LRPPRC: variants seen among roughly 807,000 people sequenced by gnomAD.
LRPPRC encodes the protein leucine-rich PPR motif-containing protein, mitochondrial.
A neutral mutation model predicts 180.3 loss-of-function variants in LRPPRC; 120 were observed. The observed-to-expected ratio is 0.67, with a 90% CI of 0.57 to 0.77. The LOEUF (loss-of-function observed/expected upper bound fraction) is 0.77, where lower values mean the gene tolerates loss of function less well. Among genes scored for constraint, LRPPRC ranks in the 30% least tolerant of loss-of-function variants. The pLI, the probability that LRPPRC is intolerant of heterozygous loss-of-function variation, is 0.00. For synonymous variants in LRPPRC, 723 were observed against 600.0 expected (o/e 1.21, Z -3.00); for missense variants, 2,012 against 1,657.2 (o/e 1.21, Z -3.72).
intron 3 of LRPPRC, 120 bp from the exon 4 acceptor site, chr2:43,977,396 T>C (rs1156608925): frequency 1.3e-6 from 1 of 760,958 alleles, no homozygotes; most frequent in Admixed American, 2.0e-5. Context: ...CACCCATCCA[T>C]CTTGGCGCTC....
chr2:43,971,029 G>A (rs1673782458), intron 11 of LRPPRC, among the ~76,000 whole-genome samples: 1 of 151,920 alleles, frequency 6.6e-6, no homozygotes, highest in African/African-American at 2.4e-5. Context: ...GAACCTGGGA[G>A]GCAGAGGTTG....
chr2:43,948,067 T>G, intron 18 of LRPPRC, 55 bp downstream of exon 18: 1 of 1,160,416 alleles, frequency 8.6e-7, no homozygotes, highest in Non-Finnish European at 1.3e-6. Flanking sequence ...AATTTTAACA[T>G]GCTGTTATAT....
rs1671834894 is a variant in LRPPRC at position 43,925,229 on chromosome 2, G to A, written c.2806-72C>T. The A allele has an allele frequency of 8.2e-6, 7 of 850,092 alleles. No homozygotes were observed. In the South Asian group the frequency reaches 9.2e-5, roughly 11 times the overall value. The allele number at this position is 850,092 out of a possible 1,614,324, so 52.7% of individuals were successfully genotyped here. A position where few individuals can be genotyped will look rare whatever the true frequency, so the allele number is the denominator to read the frequency against. On this transcript the variant is annotated intron_variant, in intron 26 of 37. Coordinates refer to ENST00000260665, the MANE Select transcript of LRPPRC (RefSeq NM_133259.4). Reference sequence around the variant, plus strand: ...ATTTTACAGTTAACAAATAGCAGTGGAATAATCTTTCAAATTAGCTTTACC... The same window carrying A: ...ATTTTACAGTTAACAAATAGCAGTGAAATAATCTTTCAAATTAGCTTTACC...
chr2:43,990,583 T>C (rs1395023907), intron 1 of LRPPRC, among the ~76,000 whole-genome samples: 5 of 152,126 alleles, frequency 3.3e-5, no homozygotes, highest in African/African-American at 1.2e-4. Flanking sequence ...GGCCTCCAAG[T>C]CTCTTCACGC....
At chr2:43,929,801 T>C (rs866955852) in intron 25 of LRPPRC, among the ~76,000 whole-genome samples, 11 of 152,150 alleles carry the variant, frequency 7.2e-5, no homozygotes, top group African/African-American at 1.7e-4. Flanking sequence ...GAGGAAAATA[T>C]GGCTGAGCAA....
In LRPPRC at chr2:43,918,243, C is replaced by T. The variant is rs2105025902; in HGVS notation, c.3039+13G>A. The T allele has an allele frequency of 6.2e-7, 1 of 1,611,994 alleles. No individual in the cohort carries two copies. Among genetic ancestry groups the T allele is most frequent in the East Asian group, 2.2e-5 (1 of 44,842 alleles). ...ACAACAAAATCTGTTACGATTATGCCAAAAACAATTACCTCAGGTACGTCA... is the reference window on the plus strand; with the variant it reads ...ACAACAAAATCTGTTACGATTATGCTAAAAACAATTACCTCAGGTACGTCA... On this transcript the variant is annotated intron_variant, in intron 28 of 37. Coordinates refer to ENST00000260665, the MANE Select transcript of LRPPRC (RefSeq NM_133259.4).
Position 43,973,714 on chromosome 2 carries a change from T to A in LRPPRC, c.1262A>T (p.Asp421Val). 1 of 1,611,192 alleles carries A rather than the reference T, an allele frequency of 6.2e-7. No homozygotes were observed. The highest frequency in any genetic ancestry group is 8.5e-7 in the Non-Finnish European group (1 of 1,177,344). Residue 421 changes from aspartate to valine, a missense_variant and splice_region_variant, in exon 11 of 38, where the codon GAT (aspartate) becomes GTT (valine). Asp to Val is a radical substitution (Grantham distance 152, BLOSUM62 -3). Coordinates refer to ENST00000260665, the MANE Select transcript of LRPPRC (RefSeq NM_133259.4). ...AGCCTTCATTAAGGCTTTTGCCAAA[T>A]CTGAAAGAGATATCATAAAAGATCA... is the stretch of plus-strand genomic sequence containing the variant. ...LHCALLANKT[D>V]LAKALMKAVK...
chr2:43,969,918 C>T (rs945026808), intron 11 of LRPPRC, among the ~76,000 whole-genome samples: 2 of 152,094 alleles, frequency 1.3e-5, no homozygotes, highest in Admixed American at 6.6e-5. Flanking sequence ...TCAACTAATG[C>T]CCCTACTTCA....
chr2:43,973,948 C>G (rs201921477), intron 9 of LRPPRC, 48 bp from the exon 10 acceptor site: 3 of 1,204,040 alleles, frequency 2.5e-6, no homozygotes, highest in Non-Finnish European at 3.7e-6. Flanking sequence ...AACACCCCAC[C>G]GTTTGACCTG....
Position 43,943,871 on chromosome 2 carries a change from T to A in LRPPRC, c.2320A>T (p.Met774Leu), listed in dbSNP as rs1397610480. The change falls in exon 23 of 38, where the codon ATG becomes TTG. Residue 774 changes from methionine (M) to leucine (L), a missense_variant. Transcript: ENST00000260665. ...TTGATAAGAACATCCTTCTCTTTCA[T>A]CTCCTTCAGAATGTTAATAGCATCT... is the stretch of plus-strand genomic sequence containing the variant. ...LQDAINILKE[M>L]KEKDVLIKDT... 2 of 1,612,928 alleles carry A rather than the reference T, an allele frequency of 1.2e-6. No individual in the cohort carries two copies. The highest frequency in any genetic ancestry group is 1.7e-5 in the Admixed American group (1 of 59,968).
At chr2:43,942,394 C>T (rs1341893056) in intron 23 of LRPPRC, among the ~76,000 whole-genome samples, 1 of 152,000 alleles carries the variant, frequency 6.6e-6, no homozygotes, top group Admixed American at 6.6e-5. Flanking sequence ...ATAAAGTTGG[C>T]TATGAATATG....
At position 43,886,545 on chromosome 2, in the gene LRPPRC, T is replaced by C. The variant is rs1452273249; in HGVS notation, c.*2055A>G. ...AAAGATATTTGAACAGCTAGTCCTT[T>C]GTAACACCCCCCCGCTGCTGCCGAG... On this transcript the variant is annotated 3_prime_UTR_variant, in exon 38 of 38. Transcript: ENST00000260665. The C allele has an allele frequency of 6.6e-6, 1 of 152,208 alleles. No individual in the cohort carries two copies. Among genetic ancestry groups the C allele is most frequent in the Non-Finnish European group, 1.5e-5 (1 of 68,042 alleles). The allele number at this position is 152,208 out of a possible 1,614,324, so 9.4% of individuals were successfully genotyped here.
rs745347082 is a variant in LRPPRC, at chr2:43,917,977, AAAG to A, written c.3148+45_3148+47del. 5.1e-6 allele frequency: 7 copies of A among 1,378,574 alleles called. 1 individual carries two copies. The highest frequency in any genetic ancestry group is 4.6e-5 in the East Asian group (2 of 43,356). 85.4% of individuals were successfully genotyped at this position (1,378,574 alleles called of 1,614,324 possible). ...GGCTTACACCCCACACTGCTATTAG[AAAG>A]AAGACCACCCCCCCACACACACCCC... On this transcript the variant is annotated intron_variant, in intron 29 of 37. Coordinates refer to ENST00000260665, the MANE Select transcript of LRPPRC (RefSeq NM_133259.4).
At chr2:43,899,661 C>G (rs2104990262) in intron 32 of LRPPRC, 56 bp from the exon 33 acceptor site, 2 of 1,181,422 alleles carry the variant, frequency 1.7e-6, no homozygotes, top group African/African-American at 1.5e-5. Context: ...ATATTACAGG[C>G]AGTTTAGTCT....
chr2:43,886,739 C>T lies in LRPPRC; in HGVS notation c.*1861G>A, dbSNP rs1161312080. On this transcript the variant is annotated 3_prime_UTR_variant, in exon 38 of 38. Coordinates refer to ENST00000260665, the MANE Select transcript of LRPPRC (RefSeq NM_133259.4). ...GATTACACCCCAACGTTATGCCTCA[C>T]CTTGGAGACCTATTCTAATGAATGT... 2.6e-5 allele frequency: 4 copies of T among 152,266 alleles called. No homozygotes were observed. The highest frequency in any genetic ancestry group is 2.1e-4 in the South Asian group (1 of 4,816). 9.4% of individuals were successfully genotyped at this position (152,266 alleles called of 1,614,324 possible). A position where few individuals can be genotyped will look rare whatever the true frequency, so the allele number is the denominator to read the frequency against.
chr2:43,994,351 G>A (rs1446308591), intron 1 of LRPPRC, among the ~76,000 whole-genome samples: 1 of 152,176 alleles, frequency 6.6e-6, no homozygotes, highest in African/African-American at 2.4e-5. Flanking sequence ...GAGATTAGGT[G>A]TTCAGGCTGG....
chr2:43,925,191 G>T (rs1040150037), intron 26 of LRPPRC, 34 bp from the exon 27 acceptor site: 3 of 1,031,368 alleles, frequency 2.9e-6, no homozygotes, highest in South Asian at 1.3e-5. Flanking sequence ...GATCTACCTT[G>T]TGTAAAGGAT....
intron 2 of LRPPRC, 120 bp downstream of exon 2, chr2:43,982,118 G>A (rs928924410): frequency 3.4e-5 from 22 of 639,652 alleles, no homozygotes; most frequent in Non-Finnish European, 5.1e-5. Context: ...ATGTTGGCCA[G>A]GCTGGTCTCG....
At position 43,960,497 on chromosome 2, in the gene LRPPRC, G is replaced by A. The variant is rs762227065; in HGVS notation, c.1582+44C>T. The A allele has an allele frequency of 4.7e-6, 5 of 1,062,556 alleles. 1 individual carries two copies. The South Asian group carries it at 6.2e-5, about 13-fold the overall frequency. 65.8% of individuals were successfully genotyped at this position (1,062,556 alleles called of 1,614,324 possible). On this transcript the variant is annotated intron_variant, in intron 13 of 37. Coordinates refer to ENST00000260665, the MANE Select transcript of LRPPRC (RefSeq NM_133259.4). ...ACCCTGCATGCCCTCAATAGTAACT[G>A]AAATAAACATCTATCAAGTTTACCG...
Sources: allele counts gnomAD v4.1 joint callset (sites outside exome capture counted in the v4.1 genomes callset), GRCh38; gene constraint gnomAD v4.1.1; transcripts MANE v1.5; gene names NCBI Gene and HGNC (gene_info 2026-07-23, HGNC 2026-07-21).